Variants in CACNA2D3 observed in about 807,000 individuals in gnomAD.
The protein encoded by CACNA2D3 is calcium voltage-gated channel auxiliary subunit alpha2delta 3.
Under a neutral mutation model 160.6 loss-of-function variants are expected in CACNA2D3, and 60 were observed. That is an observed-to-expected ratio of 0.37 (90% CI 0.30 to 0.46). The LOEUF (loss-of-function observed/expected upper bound fraction) is 0.46. Among genes scored for constraint, CACNA2D3 ranks in the 20% least tolerant of loss-of-function variants. The pLI is 1.00. For missense variants in CACNA2D3, 1,205 were observed against 1,365.0 expected (o/e 0.88, Z 1.85); for synonymous variants, 558 against 492.9 (o/e 1.13, Z -1.75).
intron 3 of CACNA2D3, among the ~76,000 whole-genome samples, chr3:54,336,674 C>G (rs1443299800): frequency 1.3e-5 from 2 of 152,078 alleles, no homozygotes; most frequent in Admixed American, 1.3e-4. Flanking sequence ...CCAGTTGCAG[C>G]CTGGTTTTTG....
Position 55,059,701 on chromosome 3 carries a change from G to T in CACNA2D3, c.2988-13744G>T, listed in dbSNP as rs1462353263. ...ACCCGGGTTCTTGTCCAGCATCCGA[G>T]AAGAATCAGGTCACATATGGACTTG... is the stretch of plus-strand genomic sequence containing the variant. On this transcript the variant is annotated intron_variant, in intron 35 of 37. Coordinates refer to ENST00000474759, the MANE Select transcript of CACNA2D3 (RefSeq NM_018398.3). Among the ~76,000 whole-genome samples the T allele has an allele frequency of 3.3e-5, 5 of 152,176 alleles. No individual in the cohort carries two copies. The East Asian group carries it at 9.6e-4, about 29-fold the overall frequency.
intron 9 of CACNA2D3, among the ~76,000 whole-genome samples, chr3:54,582,863 A>G (rs933278356): frequency 6.6e-6 from 1 of 152,188 alleles, no homozygotes; most frequent in Admixed American, 6.5e-5. Context: ...ATTGGGAGAA[A>G]TTCATTCCAG....
intron 11 of CACNA2D3, among the ~76,000 whole-genome samples, chr3:54,741,279 T>C (rs1172988243): frequency 6.6e-6 from 1 of 152,192 alleles, no homozygotes; most frequent in African/African-American, 2.4e-5. Context: ...TTTCTCTCTT[T>C]AGGGTCTAGG....
At chr3:54,844,919 G>A (rs1698900593) in intron 16 of CACNA2D3, among the ~76,000 whole-genome samples, 1 of 152,066 alleles carries the variant, frequency 6.6e-6, no homozygotes. Flanking sequence ...TGCCTTTAAT[G>A]GAAAAAGCCA....
At chr3:54,611,044 T>A (rs564167358) in intron 9 of CACNA2D3, among the ~76,000 whole-genome samples, 1 of 152,322 alleles carries the variant, frequency 6.6e-6, no homozygotes, top group South Asian at 2.1e-4. Flanking sequence ...TATCCCAGAA[T>A]CCAGGAAAGA....
At chr3:54,591,024 T>TG (rs749054486) in intron 9 of CACNA2D3, among the ~76,000 whole-genome samples, 2 of 152,164 alleles carry the variant, frequency 1.3e-5, no homozygotes, top group African/African-American at 2.4e-5. Flanking sequence ...TATTAGTATT[T>TG]GGGGATATGT....
At chr3:54,362,141 A>G (rs936540994) in intron 3 of CACNA2D3, among the ~76,000 whole-genome samples, 4 of 152,192 alleles carry the variant, frequency 2.6e-5, no homozygotes, top group African/African-American at 9.6e-5. Context: ...TATTGTCATC[A>G]TCTCTAGGTC....
intron 17 of CACNA2D3, among the ~76,000 whole-genome samples, chr3:54,853,430 A>T (rs925609910): frequency 2.6e-5 from 4 of 152,186 alleles, no homozygotes; most frequent in African/African-American, 9.7e-5. Flanking sequence ...ACGTTCATTC[A>T]CCAAACATTT....
chr3:54,258,918 C>T (rs969521170), intron 2 of CACNA2D3, among the ~76,000 whole-genome samples: 8 of 152,210 alleles, frequency 5.3e-5, no homozygotes, highest in Non-Finnish European at 1.0e-4. Flanking sequence ...TGATTAGATA[C>T]AGCACATAAC....
intron 4 of CACNA2D3, among the ~76,000 whole-genome samples, chr3:54,468,541 C>T (rs1163461166): frequency 6.6e-6 from 1 of 152,220 alleles, no homozygotes; most frequent in Non-Finnish European, 1.5e-5. Flanking sequence ...CAGTTTTTTT[C>T]ATGTCCCCGT....
intron 6 of CACNA2D3, among the ~76,000 whole-genome samples, chr3:54,566,897 T>A (rs2106714372): frequency 6.6e-6 from 1 of 152,340 alleles, no homozygotes; most frequent in South Asian, 2.1e-4. Flanking sequence ...ATACATGCTG[T>A]TTGCTAGTAT....
intron 3 of CACNA2D3, among the ~76,000 whole-genome samples, chr3:54,373,932 A>G (rs1011713402): frequency 6.6e-6 from 1 of 152,028 alleles, no homozygotes; most frequent in Non-Finnish European, 1.5e-5. Flanking sequence ...CATCCCTCCC[A>G]CTTTCACAGC....
intron 8 of CACNA2D3, among the ~76,000 whole-genome samples, chr3:54,574,203 A>G (rs1702545984): frequency 6.6e-6 from 1 of 152,122 alleles, no homozygotes; most frequent in East Asian, 1.9e-4. Context: ...AAAGAATACA[A>G]TATTTTCAGT....
chr3:54,406,438 T>G (rs1699578335), intron 4 of CACNA2D3, among the ~76,000 whole-genome samples: 1 of 152,066 alleles, frequency 6.6e-6, no homozygotes, highest in Non-Finnish European at 1.5e-5. Flanking sequence ...CATTGTACAA[T>G]GTGTGTACAC....
intron 13 of CACNA2D3, among the ~76,000 whole-genome samples, chr3:54,784,952 G>C (rs913089704): frequency 6.6e-6 from 1 of 152,196 alleles, no homozygotes; most frequent in Non-Finnish European, 1.5e-5. Flanking sequence ...GGAAGTTTTA[G>C]TTTTGTACCT....
intron 14 of CACNA2D3, among the ~76,000 whole-genome samples, chr3:54,821,689 TTTCTTTCTTTCCTTCCTTCC>T (rs1235179228): frequency 2.2e-5 from 2 of 90,130 alleles, no homozygotes; most frequent in Non-Finnish European, 4.4e-5. Flanking sequence ...TCTTTCTTTC[TTTCTTTCTTTCCTTCCTTCC>T]TTCTTTCCTC....
chr3:54,553,052 A>C (rs569177201), intron 5 of CACNA2D3, among the ~76,000 whole-genome samples: 61 of 152,256 alleles, frequency 4.0e-4, no homozygotes, highest in African/African-American at 1.4e-3. Flanking sequence ...GAGTGGTTCA[A>C]CATTGGGCCA....
chr3:54,368,771 G>A (rs374139438), intron 3 of CACNA2D3, among the ~76,000 whole-genome samples: 1 of 126,286 alleles, frequency 7.9e-6, no homozygotes, highest in Admixed American at 1.1e-4. Flanking sequence ...GCACGATCTC[G>A]GCTCACTGCA....
At chr3:54,646,180 CTCCCTCCTTCCTTGCTTCCTTCCT>C (rs1201687851) in intron 11 of CACNA2D3, among the ~76,000 whole-genome samples, 691 of 30,042 alleles carry the variant, frequency 0.023, 23 homozygotes, top group Middle Eastern at 0.065. Flanking sequence ...CCCTCCCTCC[CTCCCTCCTTCCTTGCTTCCTTCCT>C]TCCTTCCTTC....
Sources: allele counts gnomAD v4.1 joint callset (sites outside exome capture counted in the v4.1 genomes callset), GRCh38; gene constraint gnomAD v4.1.1; transcripts MANE v1.5; gene names NCBI Gene and HGNC (gene_info 2026-07-23, HGNC 2026-07-21).